FLYWCH1: variants seen among roughly 807,000 people sequenced by gnomAD.
FLYWCH1 encodes the protein FLYWCH-type zinc finger-containing protein 1.
A neutral mutation model predicts 66.4 loss-of-function variants in FLYWCH1; 75 were observed. The ratio of observed to expected loss-of-function variants is 1.13; its 90% confidence interval spans 0.94 to 1.37. The LOEUF is 1.37. Ranked by LOEUF, FLYWCH1 falls within the 40% of genes most tolerant of loss-of-function variation. The pLI is 0.00. For synonymous variants in FLYWCH1, 595 were observed against 429.9 expected, an observed-to-expected ratio of 1.38 and a Z score of -4.75; for missense variants, 1,334 against 1,001.8, an observed-to-expected ratio of 1.33 and a Z score of -4.48.
chr16:2,935,836 C>T (rs2070976103), intron 6 of FLYWCH1: 1 of 152,592 alleles, frequency 6.6e-6, no homozygotes, highest in Non-Finnish European at 1.5e-5. Flanking sequence ...TCCTCTCGTG[C>T]TCTTTGTTAA....
At chr16:2,931,270 T>G (rs1203298133) in intron 4 of FLYWCH1, among the ~76,000 whole-genome samples, 1 of 137,528 alleles carries the variant, frequency 7.3e-6, no homozygotes, top group African/African-American at 2.8e-5. Context: ...TCCACTGTAT[T>G]CCAGCCTGGT....
At chr16:2,925,412 T>TCACCCGGTCC (rs200537126) in intron 2 of FLYWCH1, among the ~76,000 whole-genome samples, 29 of 151,954 alleles carry the variant, frequency 1.9e-4, no homozygotes, top group African/African-American at 5.1e-4. Context: ...TGGTTTAGCC[T>TCACCCGGTCC]CACCCGGTCC....
intron 9 of FLYWCH1, among the ~76,000 whole-genome samples, chr16:2,947,498 C>T (rs1398240197): frequency 3.3e-5 from 5 of 152,146 alleles, no homozygotes; most frequent in East Asian, 1.9e-4. Context: ...CAGTGGCTCA[C>T]GCCAGTCATG....
intron 2 of FLYWCH1, among the ~76,000 whole-genome samples, chr16:2,924,162 C>G (rs950912716): frequency 5.3e-5 from 8 of 152,162 alleles, no homozygotes; most frequent in African/African-American, 1.9e-4. Context: ...AACCCCGTCT[C>G]TACTAAAAAT....
In FLYWCH1 at chr16:2,934,795, C is replaced by G. The variant is rs148648212; in HGVS notation, c.1513+816C>G. 1.7e-4 allele frequency: 61 copies of G among 360,988 alleles called. No homozygotes were observed. In the East Asian group the frequency reaches 5.0e-3, roughly 30 times the overall value. 22.4% of individuals were successfully genotyped at this position (360,988 alleles called of 1,614,324 possible). On this transcript the variant is annotated intron_variant, in intron 6 of 9. Transcript: ENST00000253928. ...CTCGTCCTCACCCCCGCTCCTGACC[C>G]CACAAGTAACTAAGCAATTGTTTCT...
intron 9 of FLYWCH1, among the ~76,000 whole-genome samples, chr16:2,941,479 A>G (rs1027124221): frequency 3.9e-5 from 6 of 152,154 alleles, no homozygotes; most frequent in East Asian, 1.9e-4. Flanking sequence ...TCATGGTAGC[A>G]TGTGCTGGTA....
At chr16:2,939,609 A>T (rs1268738380) in intron 8 of FLYWCH1, 1 of 165,346 alleles carries the variant, frequency 6.0e-6, no homozygotes, top group Non-Finnish European at 1.3e-5. Context: ...GCTCCTCAGA[A>T]AAGGGGAGGA....
intron 9 of FLYWCH1, 63 bp downstream of exon 9, chr16:2,940,155 CAACAA>C: frequency 1.2e-6 from 1 of 808,468 alleles, no homozygotes; most frequent in Non-Finnish European, 2.1e-6. Flanking sequence ...GGGCTTAAAA[CAACAA>C]ATATTTGCTG....
chr16:2,931,223 A>G (rs560943119), intron 4 of FLYWCH1, among the ~76,000 whole-genome samples: 110 of 148,220 alleles, frequency 7.4e-4, no homozygotes, highest in Non-Finnish European at 1.3e-3. Context: ...GAATCGCTTG[A>G]ACCCAGGAGG....
chr16:2,921,968 C>T lies in FLYWCH1; in HGVS notation c.-73-7645C>T, dbSNP rs962194576. Among the ~76,000 whole-genome samples, 10 of 151,770 alleles carry T rather than the reference C, an allele frequency of 6.6e-5. No individual in the cohort carries two copies. In the South Asian group the frequency reaches 1.5e-3, roughly 22 times the overall value. The stretch of plus-strand genomic sequence containing the variant: ...GTCCCAGCTACTCAGGAGGCTGAGG[C>T]GGGAGAATCACTTGAACCCGGGAGG... On this transcript the variant is annotated intron_variant, in intron 2 of 9. Coordinates refer to ENST00000253928, the MANE Select transcript of FLYWCH1 (RefSeq NM_001308068.2).
rs1281560525 is a variant in FLYWCH1, at chr16:2,940,001, T to C, written c.2051-31T>C. On this transcript the variant is annotated intron_variant, in intron 8 of 9. Transcript: ENST00000253928. ...GTCAGCTTCAACAAGAGAAGAATTA[T>C]TAATTCATATTTTCAATTATTTTTC... 8 of 1,576,460 alleles carry C rather than the reference T, an allele frequency of 5.1e-6. No individual in the cohort carries two copies. In the South Asian group the frequency reaches 9.3e-5, roughly 18 times the overall value.
At chr16:2,944,474 T>A in intron 9 of FLYWCH1, among the ~76,000 whole-genome samples, 1 of 152,174 alleles carries the variant, frequency 6.6e-6, no homozygotes, top group Non-Finnish European at 1.5e-5. Context: ...GTTATTAGAT[T>A]ATTTACTATA....
At chr16:2,917,410 G>A (rs189985805) in intron 2 of FLYWCH1, among the ~76,000 whole-genome samples, 2,092 of 151,154 alleles carry the variant, frequency 0.014, 23 homozygotes, top group Admixed American at 0.021. Context: ...TGTATTTTTA[G>A]TAGAGACGGG....
chr16:2,917,222 T>A (rs1212052872), intron 2 of FLYWCH1, among the ~76,000 whole-genome samples: 1 of 111,558 alleles, frequency 9.0e-6, no homozygotes, highest in African/African-American at 3.6e-5. Context: ...AAAGTAAGCT[T>A]GTTAATAATT....
At position 2,944,198 on chromosome 16, in the gene FLYWCH1, G is replaced by A. The variant is rs141986334; in HGVS notation, c.2111+4106G>A. On this transcript the variant is annotated intron_variant, in intron 9 of 9. Transcript: ENST00000253928. ...GGTCAGGAATTCCAGACCAGCCTGG[G>A]GAACATGGAGAAACTCCGTCTCTAC... Among the ~76,000 whole-genome samples, 138 of 151,882 alleles carry A rather than the reference G, an allele frequency of 9.1e-4. 1 individual carries two copies. The highest frequency in any genetic ancestry group is 3.2e-3 in the African/African-American group (132 of 41,436).
At chr16:2,936,191 G>T (rs1269343935) in intron 6 of FLYWCH1, 4 of 336,138 alleles carry the variant, frequency 1.2e-5, no homozygotes, top group African/African-American at 6.5e-5. Context: ...GATTACAGGC[G>T]TGAGCCACCG....
intron 9 of FLYWCH1, among the ~76,000 whole-genome samples, chr16:2,944,463 T>C (rs1407559161): frequency 6.6e-6 from 1 of 151,870 alleles, no homozygotes; most frequent in Non-Finnish European, 1.5e-5. Flanking sequence ...ATAATAAATA[T>C]GTTATTAGAT....
chr16:2,932,978 T>C (rs372266892), intron 4 of FLYWCH1, among the ~76,000 whole-genome samples, 152 bp from the exon 5 acceptor site: 1 of 151,824 alleles, frequency 6.6e-6, no homozygotes, highest in Non-Finnish European at 1.5e-5. Flanking sequence ...GGGAATGGGT[T>C]TGGGGCCTCT....
intron 7 of FLYWCH1, 109 bp from the exon 8 acceptor site, chr16:2,938,075 A>T: frequency 1.8e-6 from 2 of 1,082,234 alleles, no homozygotes; most frequent in Non-Finnish European, 1.3e-6. Context: ...GCAGCGTGCT[A>T]GGGGATCGCA....
Sources: gnomAD v4.1 joint callset for allele counts (sites outside exome capture counted in the v4.1 genomes callset) on GRCh38, gnomAD v4.1.1 for gene constraint, MANE v1.5 for transcripts, NCBI Gene and HGNC (gene_info 2026-07-23, HGNC 2026-07-21) for gene names.